Variants in HLF observed in about 807,000 individuals in gnomAD.
The protein encoded by HLF is hepatic leukemia factor.
HLF carries 3 observed loss-of-function variants against 22.6 expected under a neutral mutation model. That is an observed-to-expected ratio of 0.13 (90% confidence interval 0.06 to 0.34). The LOEUF (loss-of-function observed/expected upper bound fraction) is 0.34. Ranked by LOEUF, HLF falls within the 10% of genes least tolerant of loss-of-function variation. The pLI is 1.00. For synonymous variants in HLF, 151 were observed against 151.8 expected (o/e 0.99, Z 0.04); for missense variants, 299 against 389.2 (o/e 0.77, Z 1.95).
chr17:55,279,605 A>C (rs755241447), intron 2 of HLF, among the ~76,000 whole-genome samples: 2 of 152,024 alleles, frequency 1.3e-5, no homozygotes, highest in Non-Finnish European at 2.9e-5. Flanking sequence ...AAAAAGAAAA[A>C]ATATTACCAA....
chr17:55,305,736 G>A (rs1904517241), intron 2 of HLF, among the ~76,000 whole-genome samples: 1 of 152,210 alleles, frequency 6.6e-6, no homozygotes, highest in Admixed American at 6.5e-5. Context: ...TTGTGCACAA[G>A]GCTCCAGCCC....
chr17:55,296,454 A>G (rs1448683053), intron 2 of HLF, among the ~76,000 whole-genome samples: 1 of 152,162 alleles, frequency 6.6e-6, no homozygotes, highest in Non-Finnish European at 1.5e-5. Context: ...ATTTATATAC[A>G]TATATATGGG....
At chr17:55,296,175 G>A (rs2082395270) in intron 2 of HLF, among the ~76,000 whole-genome samples, 1 of 152,154 alleles carries the variant, frequency 6.6e-6, no homozygotes, top group South Asian at 2.1e-4. Flanking sequence ...GGTGTGGGTG[G>A]TTGGTTTCCT....
intron 2 of HLF, among the ~76,000 whole-genome samples, chr17:55,288,713 G>A (rs924536794): frequency 1.3e-5 from 2 of 150,362 alleles, no homozygotes; most frequent in African/African-American, 2.5e-5. Context: ...CTGAGATTGC[G>A]CCACTGTACT....
chr17:55,282,728 T>G (rs752290317), intron 2 of HLF, among the ~76,000 whole-genome samples: 1 of 152,216 alleles, frequency 6.6e-6, no homozygotes, highest in Non-Finnish European at 1.5e-5. Flanking sequence ...GTTCAAAGAC[T>G]ACTATGTGCT....
intron 2 of HLF, among the ~76,000 whole-genome samples, chr17:55,279,324 T>C (rs1231636335): frequency 6.6e-6 from 1 of 152,224 alleles, no homozygotes; most frequent in Non-Finnish European, 1.5e-5. Context: ...ACTTATTTTA[T>C]TTCTCCTTTG....
At chr17:55,274,337 TAGAG>T (rs1360921532) in intron 2 of HLF, among the ~76,000 whole-genome samples, 1 of 152,048 alleles carries the variant, frequency 6.6e-6, no homozygotes, top group Admixed American at 6.6e-5. Flanking sequence ...AATAACATAT[TAGAG>T]AGGTACAGGG....
intron 1 of HLF, chr17:55,266,709 G>A (rs1378046974): frequency 1.1e-5 from 4 of 378,754 alleles, no homozygotes; most frequent in African/African-American, 8.8e-5. Flanking sequence ...TAGAGGGTTA[G>A]AATGGATGGC....
chr17:55,319,947 A>T (rs1905207619), intron 3 of HLF, among the ~76,000 whole-genome samples: 1 of 152,204 alleles, frequency 6.6e-6, no homozygotes, highest in Non-Finnish European at 1.5e-5. Flanking sequence ...ATTTGTGTGT[A>T]AACTGTCATT....
chr17:55,304,350 G>A (rs148133055), intron 2 of HLF, among the ~76,000 whole-genome samples: 1 of 152,304 alleles, frequency 6.6e-6, no homozygotes, highest in Non-Finnish European at 1.5e-5. Flanking sequence ...CCATCACAGG[G>A]GGCAATGGCG....
chr17:55,270,043 G>GA (rs1292664754), intron 2 of HLF, among the ~76,000 whole-genome samples: 2 of 152,184 alleles, frequency 1.3e-5, no homozygotes, highest in African/African-American at 4.8e-5. Context: ...GAAGCAGCTT[G>GA]AAAACTCATT....
At chr17:55,271,578 G>C (rs990154021) in intron 2 of HLF, 4 of 152,176 alleles carry the variant, frequency 2.6e-5, no homozygotes, top group African/African-American at 9.7e-5. Context: ...CACCCAGGCT[G>C]GAGTGCAGTG....
intron 2 of HLF, among the ~76,000 whole-genome samples, chr17:55,279,777 T>G (rs1482956169): frequency 6.6e-6 from 1 of 152,206 alleles, no homozygotes; most frequent in African/African-American, 2.4e-5. Flanking sequence ...TTTCAGTAAT[T>G]CAGATTAGCA....
At chr17:55,288,415 T>G (rs1235933468) in intron 2 of HLF, among the ~76,000 whole-genome samples, 1 of 152,108 alleles carries the variant, frequency 6.6e-6, no homozygotes, top group Non-Finnish European at 1.5e-5. Context: ...CCCAAAGTGC[T>G]GGGATTGCAG....
intron 2 of HLF, chr17:55,271,371 T>A (rs2080855868): frequency 6.6e-6 from 1 of 152,204 alleles, no homozygotes; most frequent in Non-Finnish European, 1.5e-5. Context: ...TCAGCATGCA[T>A]CTTTTGAGCT....
At chr17:55,305,556 G>T (rs553830468) in intron 2 of HLF, among the ~76,000 whole-genome samples, 49 of 152,320 alleles carry the variant, frequency 3.2e-4, no homozygotes, top group African/African-American at 1.2e-3. Flanking sequence ...CAGAAAGAGC[G>T]TGGGCTATGG....
At position 55,315,307 on chromosome 17, in the gene HLF, G is replaced by A; in HGVS notation, c.532G>A (p.Asp178Asn). Residue 178 changes from aspartate to asparagine, a missense_variant, in exon 3 of 4, where the codon GAC becomes AAC. Transcript: ENST00000226067. The part of the protein sequence containing the change: ...TIQVPVGYEP[D>N]PADLALSSIP... ...CCAGGTCCCAGTGGGTTATGAGCCAGACCCAGCAGATCTTGCCCTTTCCAG... is the reference window on the plus strand; with the variant it reads ...CCAGGTCCCAGTGGGTTATGAGCCAAACCCAGCAGATCTTGCCCTTTCCAG... 1 of 1,614,178 alleles carries A rather than the reference G, an allele frequency of 6.2e-7. No individual in the cohort carries two copies. The highest frequency in any genetic ancestry group is 8.5e-7 in the Non-Finnish European group (1 of 1,180,022).
chr17:55,265,908 G>A, intron 1 of HLF: 2 of 1,079,274 alleles, frequency 1.9e-6, no homozygotes, highest in Non-Finnish European at 2.3e-6. Context: ...TCCCTAGAAC[G>A]AGGCACACCC....
At chr17:55,309,393 T>G (rs185792114) in intron 2 of HLF, among the ~76,000 whole-genome samples, 1 of 152,182 alleles carries the variant, frequency 6.6e-6, no homozygotes, top group Non-Finnish European at 1.5e-5. Flanking sequence ...TCCCTGAATG[T>G]AAAAGGATTT....
Sources: gnomAD v4.1 joint callset for allele counts (sites outside exome capture counted in the v4.1 genomes callset) on GRCh38, gnomAD v4.1.1 for gene constraint, MANE v1.5 for transcripts, NCBI Gene and HGNC (gene_info 2026-07-23, HGNC 2026-07-21) for gene names.